DTD1: variants seen among roughly 807,000 people sequenced by gnomAD.
The protein encoded by DTD1 is D-aminoacyl-tRNA deacylase 1, also known as D-tyrosyl-tRNA deacylase 1 homolog.
Under a neutral mutation model 25.6 loss-of-function variants are expected in DTD1, and 13 were observed. The ratio of observed to expected loss-of-function variants is 0.51; its 90% CI spans 0.33 to 0.81. The LOEUF is 0.81. DTD1 is among the 30% of genes least tolerant of loss of function. The pLI is 0.02. For missense variants in DTD1, 193 were observed against 266.4 expected, an observed-to-expected ratio of 0.72 and a Z score of 1.92; for synonymous variants, 110 against 103.6, an observed-to-expected ratio of 1.06 and a Z score of -0.37.
rs151063286 is a variant in DTD1, at chr20:18,643,222, C to G, written c.477+14989C>G. 641 of 287,228 alleles carry G rather than the reference C, an allele frequency of 2.2e-3. 5 individuals are homozygous for G. Among genetic ancestry groups the G allele is most frequent in the African/African-American group, 0.014 (608 of 44,824 alleles). 17.8% of individuals were successfully genotyped at this position (287,228 alleles called of 1,614,324 possible). ...GAGCCACTATGCCCAGCCTGGAGCA[C>G]CAATTTATTTAGCAATTTGTTCTCT... On this transcript the variant is annotated intron_variant, in intron 4 of 5. Coordinates refer to ENST00000377452, the MANE Select transcript of DTD1 (RefSeq NM_080820.6).
chr20:18,715,181 C>T (rs1051394882), intron 4 of DTD1, among the ~76,000 whole-genome samples: 2 of 152,040 alleles, frequency 1.3e-5, no homozygotes, highest in African/African-American at 2.4e-5. Flanking sequence ...ATACACTGTC[C>T]CCTCCCCCAC....
intron 3 of DTD1, among the ~76,000 whole-genome samples, chr20:18,624,526 A>G (rs1201071237): frequency 6.6e-6 from 1 of 152,172 alleles, no homozygotes; most frequent in Non-Finnish European, 1.5e-5. Context: ...AAGGGTGGCC[A>G]TGCTCGATTG....
intron 4 of DTD1, among the ~76,000 whole-genome samples, chr20:18,638,378 A>C (rs1285198690): frequency 2.6e-5 from 4 of 152,350 alleles, no homozygotes; most frequent in African/African-American, 4.8e-5. Context: ...AACAAAAACA[A>C]AAACAAGTAT....
At chr20:18,681,701 A>T (rs2060997589) in intron 4 of DTD1, among the ~76,000 whole-genome samples, 1 of 152,210 alleles carries the variant, frequency 6.6e-6, no homozygotes, top group Non-Finnish European at 1.5e-5. Flanking sequence ...ACAAAAACAC[A>T]CTTCCTCAGA....
intron 4 of DTD1, chr20:18,674,291 G>A (rs1232720310): frequency 6.6e-6 from 1 of 152,176 alleles, no homozygotes; most frequent in Non-Finnish European, 1.5e-5. Flanking sequence ...AGGAGAAGAG[G>A]TAGAGAGGGG....
intron 4 of DTD1, among the ~76,000 whole-genome samples, chr20:18,655,440 G>A (rs962718761): frequency 1.3e-5 from 2 of 151,712 alleles, no homozygotes; most frequent in African/African-American, 4.9e-5. Flanking sequence ...TTTAATTATG[G>A]CAATTTTTTT....
intron 4 of DTD1, among the ~76,000 whole-genome samples, chr20:18,731,865 T>G (rs1178095697): frequency 6.6e-6 from 1 of 152,210 alleles, no homozygotes. Context: ...CTTCTCTTTC[T>G]TTTCTCCTTG....
chr20:18,694,600 A>G (rs1217276311), intron 4 of DTD1, among the ~76,000 whole-genome samples: 1 of 152,222 alleles, frequency 6.6e-6, no homozygotes, highest in Non-Finnish European at 1.5e-5. Flanking sequence ...GGCCGCGGGA[A>G]GGGGAGGCCT....
intron 4 of DTD1, among the ~76,000 whole-genome samples, chr20:18,637,164 A>T (rs755992015): frequency 6.6e-6 from 1 of 152,148 alleles, no homozygotes; most frequent in Non-Finnish European, 1.5e-5. Flanking sequence ...GTCTAAAAAT[A>T]CTTTACAACC....
At chr20:18,751,845 T>C (rs567219257) in intron 5 of DTD1, among the ~76,000 whole-genome samples, 1 of 146,178 alleles carries the variant, frequency 6.8e-6, no homozygotes, top group Non-Finnish European at 1.5e-5. Context: ...CTTGTAGTTT[T>C]TTTTTTTTGT....
intron 4 of DTD1, among the ~76,000 whole-genome samples, chr20:18,708,232 TTATATATATATAATATATATTA>T (rs1568676647): frequency 0.012 from 270 of 22,340 alleles, 26 homozygotes; most frequent in African/African-American, 0.057. Context: ...TATATATATT[TTATATATATATAATATATATTA>T]TATATATATT....
chr20:18,664,598 A>G (rs1350577070), intron 4 of DTD1, among the ~76,000 whole-genome samples: 1 of 152,080 alleles, frequency 6.6e-6, no homozygotes. Flanking sequence ...ATGGGGGCTG[A>G]TTTGGGGAAT....
intron 4 of DTD1, among the ~76,000 whole-genome samples, chr20:18,650,402 C>T (rs765843106): frequency 3.3e-5 from 5 of 152,146 alleles, no homozygotes; most frequent in African/African-American, 4.8e-5. Flanking sequence ...CAGCCTATCA[C>T]GGCCCCGTCC....
chr20:18,614,402 A>C (rs1045326823), intron 3 of DTD1, among the ~76,000 whole-genome samples: 4 of 152,210 alleles, frequency 2.6e-5, no homozygotes. Context: ...TAGGATGAAC[A>C]TCGGGGCAGG....
chr20:18,634,286 T>C (rs1171728149), intron 4 of DTD1, among the ~76,000 whole-genome samples: 6 of 152,140 alleles, frequency 3.9e-5, no homozygotes, highest in African/African-American at 1.4e-4. Flanking sequence ...CTCACATGGA[T>C]TGGGGGGCAG....
intron 4 of DTD1, chr20:18,631,607 A>G: frequency 2.0e-6 from 2 of 985,314 alleles, no homozygotes; most frequent in Non-Finnish European, 2.4e-6. Context: ...GTGACCTCAC[A>G]TTGCTTTATT....
At position 18,596,255 on chromosome 20, in the gene DTD1, C is replaced by T. The variant is rs757464252; in HGVS notation, c.370+14C>T. ...AGCTTATCAAAGGTAAGCAGGAGAG[C>T]CACATCCAGGAACGGGTCTTTGGGA... is the stretch of plus-strand genomic sequence containing the variant. On this transcript the variant is annotated intron_variant, in intron 3 of 5. Transcript: ENST00000377452. 13 of 1,608,696 alleles carry T rather than the reference C, an allele frequency of 8.1e-6. No individual in the cohort carries two copies. The highest frequency in any genetic ancestry group is 1.7e-4 in the Middle Eastern group (1 of 5,964).
At chr20:18,633,523 T>C (rs2060796420) in intron 4 of DTD1, among the ~76,000 whole-genome samples, 2 of 151,512 alleles carry the variant, frequency 1.3e-5, no homozygotes, top group South Asian at 2.1e-4. Context: ...TCCAGGGAGG[T>C]GTGTGTGGGT....
At chr20:18,616,119 A>C (rs957692753) in intron 3 of DTD1, among the ~76,000 whole-genome samples, 1 of 152,178 alleles carries the variant, frequency 6.6e-6, no homozygotes, top group Non-Finnish European at 1.5e-5. Context: ...CTTCATTGTT[A>C]ATGAATGGCA....
Sources: gnomAD v4.1 joint callset for allele counts (sites outside exome capture counted in the v4.1 genomes callset) on GRCh38, gnomAD v4.1.1 for gene constraint, MANE v1.5 for transcripts, NCBI Gene and HGNC (gene_info 2026-07-23, HGNC 2026-07-21) for gene names.